The following GRM7 variants were observed in gnomAD, a reference collection of about 807,000 sequenced individuals.
The protein encoded by GRM7 is glutamate metabotropic receptor 7, also known as metabotropic glutamate receptor 7.
In GRM7, 35 loss-of-function variants were observed where a neutral mutation model predicts 84.5. The ratio of observed to expected loss-of-function variants is 0.41; its 90% CI spans 0.32 to 0.55. The LOEUF (loss-of-function observed/expected upper bound fraction) is 0.55. GRM7 is among the 20% of genes least tolerant of loss of function. GRM7 has a pLI of 0.19. For synonymous variants in GRM7, 487 were observed against 455.1 expected (o/e 1.07, Z -0.89); for missense variants, 1,003 against 1,194.6 (o/e 0.84, Z 2.36).
intron 1 of GRM7, among the ~76,000 whole-genome samples, chr3:7,001,964 A>T (rs1290506316): frequency 6.6e-6 from 1 of 152,204 alleles, no homozygotes; most frequent in African/African-American, 2.4e-5. Context: ...TACTTAGTGG[A>T]GACATTTAAT....
At chr3:7,567,359 T>C (rs1694335452) in intron 7 of GRM7, among the ~76,000 whole-genome samples, 1 of 152,172 alleles carries the variant, frequency 6.6e-6, no homozygotes, top group South Asian at 2.1e-4. Flanking sequence ...TTCCACCCAG[T>C]GCAGCAAAGC....
At chr3:7,140,920 TC>T (rs900317913) in intron 1 of GRM7, among the ~76,000 whole-genome samples, 16 of 151,984 alleles carry the variant, frequency 1.1e-4, no homozygotes, top group Admixed American at 2.6e-4. Context: ...CCCTTTCAAT[TC>T]TAAAAGTGTC....
chr3:7,595,767 G>T (rs1338938365), intron 8 of GRM7, among the ~76,000 whole-genome samples: 1 of 152,108 alleles, frequency 6.6e-6, no homozygotes, highest in Non-Finnish European at 1.5e-5. Context: ...GCCAAGGCAG[G>T]GGTAAGACCG....
intron 1 of GRM7, among the ~76,000 whole-genome samples, chr3:6,888,461 T>G (rs1021194619): frequency 2.0e-5 from 3 of 152,154 alleles, no homozygotes; most frequent in African/African-American, 7.2e-5. Flanking sequence ...GCTGGCCAGT[T>G]TTCCCAGCAC....
At chr3:7,584,634 G>A (rs928375540) in intron 8 of GRM7, among the ~76,000 whole-genome samples, 6 of 152,306 alleles carry the variant, frequency 3.9e-5, no homozygotes, top group African/African-American at 1.2e-4. Flanking sequence ...AGTGCGAAAA[G>A]CAGCTAGAGG....
At chr3:7,448,312 G>A (rs892723651) in intron 5 of GRM7, among the ~76,000 whole-genome samples, 1 of 151,976 alleles carries the variant, frequency 6.6e-6, no homozygotes, top group Non-Finnish European at 1.5e-5. Flanking sequence ...CTAGATCCCT[G>A]AGGAATCGCC....
intron 4 of GRM7, among the ~76,000 whole-genome samples, chr3:7,398,242 G>A (rs1047900612): frequency 3.9e-5 from 6 of 152,242 alleles, no homozygotes; most frequent in African/African-American, 1.2e-4. Context: ...TTCACTGACG[G>A]CCTACTATGT....
At chr3:7,088,457 T>C (rs1461419422) in intron 1 of GRM7, among the ~76,000 whole-genome samples, 1 of 151,814 alleles carries the variant, frequency 6.6e-6, no homozygotes, top group Non-Finnish European at 1.5e-5. Flanking sequence ...AATAGTGTAT[T>C]GACTCTAGAT....
At chr3:7,666,201 G>C (rs1242767637) in intron 8 of GRM7, among the ~76,000 whole-genome samples, 1 of 152,186 alleles carries the variant, frequency 6.6e-6, no homozygotes, top group Non-Finnish European at 1.5e-5. Flanking sequence ...CAGAGAAAAT[G>C]CAAGAAGGTT....
At chr3:7,393,835 A>G (rs754780882) in intron 4 of GRM7, among the ~76,000 whole-genome samples, 7 of 152,174 alleles carry the variant, frequency 4.6e-5, no homozygotes, top group South Asian at 2.1e-4. Flanking sequence ...TCTTCATTCA[A>G]TAAGCTGTTA....
At chr3:7,638,684 G>GCCTT (rs769819390) in intron 8 of GRM7, among the ~76,000 whole-genome samples, 6 of 152,166 alleles carry the variant, frequency 3.9e-5, no homozygotes, top group Admixed American at 6.5e-5. Flanking sequence ...GCCATTTCAG[G>GCCTT]GTATGCTCTT....
At chr3:6,914,625 A>T (rs1696881116) in intron 1 of GRM7, among the ~76,000 whole-genome samples, 1 of 151,500 alleles carries the variant, frequency 6.6e-6, no homozygotes, top group African/African-American at 2.4e-5. Context: ...CTGGTCTCAA[A>T]CTCCAGACCT....
chr3:7,436,080 C>T (rs1697045784), intron 5 of GRM7, among the ~76,000 whole-genome samples: 1 of 152,018 alleles, frequency 6.6e-6, no homozygotes, highest in Non-Finnish European at 1.5e-5. Flanking sequence ...CTCCTGAGCT[C>T]AGGTGATCCA....
chr3:7,245,212 G>A lies in GRM7; in HGVS notation c.737-53472G>A, dbSNP rs148818328. ...ACATACCCGGACTCCCTAAAGGGTA[G>A]GAAAGATAAAAGGGACAGAAAATAT... On this transcript the variant is annotated intron_variant, in intron 2 of 9. Coordinates refer to ENST00000357716, the MANE Select transcript of GRM7 (RefSeq NM_000844.4). Among the ~76,000 whole-genome samples, 27 of 151,980 alleles carry A rather than the reference G, an allele frequency of 1.8e-4. No homozygotes were observed. The East Asian group carries it at 4.8e-3, about 27-fold the overall frequency.
intron 4 of GRM7, among the ~76,000 whole-genome samples, chr3:7,341,508 A>T (rs1390562477): frequency 1.3e-5 from 2 of 152,006 alleles, no homozygotes; most frequent in African/African-American, 4.8e-5. Context: ...ACACGGCCTG[A>T]CTCAGTACCA....
chr3:7,539,902 A>G (rs1270089015), intron 7 of GRM7, among the ~76,000 whole-genome samples: 2 of 152,156 alleles, frequency 1.3e-5, no homozygotes, highest in Non-Finnish European at 2.9e-5. Flanking sequence ...CACTAAAGAA[A>G]TACTCTCTGT....
At chr3:7,706,460 G>T (rs143918687) in intron 9 of GRM7, among the ~76,000 whole-genome samples, 1 of 152,058 alleles carries the variant, frequency 6.6e-6, no homozygotes, top group Non-Finnish European at 1.5e-5. Context: ...AAGATTTTTC[G>T]AAACTACCCT....
intron 1 of GRM7, among the ~76,000 whole-genome samples, chr3:6,922,037 G>A (rs1449548094): frequency 6.6e-6 from 1 of 152,186 alleles, no homozygotes; most frequent in African/African-American, 2.4e-5. Flanking sequence ...AGGGCCGTGG[G>A]GTTAGGTTTT....
chr3:7,645,546 TAAAAAAAAAAAAA>T (rs71043684), intron 8 of GRM7, among the ~76,000 whole-genome samples: 4 of 87,784 alleles, frequency 4.6e-5, no homozygotes, highest in African/African-American at 1.9e-4. Context: ...GACTCCATCT[TAAAAAAAAAAAAA>T]AAAAAAAAAA....
Sources: gnomAD v4.1 joint callset for allele counts (sites outside exome capture counted in the v4.1 genomes callset) on GRCh38, gnomAD v4.1.1 for gene constraint, MANE v1.5 for transcripts, NCBI Gene and HGNC (gene_info 2026-07-23, HGNC 2026-07-21) for gene names.